The following RELN variants were observed in gnomAD, a reference collection of about 807,000 sequenced individuals.
RELN encodes reelin.
Under a neutral mutation model 427.6 loss-of-function variants are expected in RELN, and 108 were observed. The ratio of observed to expected loss-of-function variants is 0.25; its 90% CI spans 0.22 to 0.30. RELN has a LOEUF of 0.30. RELN is among the 10% of genes least tolerant of loss of function. The pLI is 1.00. For synonymous variants in RELN, 1,524 were observed against 1,513.4 expected, an observed-to-expected ratio of 1.01 and a Z score of -0.16; for missense variants, 3,715 against 4,302.8, an observed-to-expected ratio of 0.86 and a Z score of 3.82.
At chr7:103,513,222 C>T (rs939775740) in intron 50 of RELN, 7 of 152,190 alleles carry the variant, frequency 4.6e-5, no homozygotes, top group African/African-American at 1.7e-4. Context: ...ACTCACCCGT[C>T]TCTCCTGCAG....
At chr7:103,472,932 G>A (rs1562834262) in intron 64 of RELN, 24 bp from the exon 65 acceptor site, 5 of 1,569,732 alleles carry the variant, frequency 3.2e-6, no homozygotes, top group Non-Finnish European at 4.4e-6. Context: ...ACAGGATAGA[G>A]GCAGGGAAGG....
chr7:103,606,698 C>T (rs139952176), intron 22 of RELN, among the ~76,000 whole-genome samples: 5 of 152,246 alleles, frequency 3.3e-5, no homozygotes, highest in African/African-American at 1.2e-4. Context: ...TCTTAGGTTA[C>T]ATAGTTTATG....
At chr7:103,731,577 C>T (rs946912569) in intron 6 of RELN, among the ~76,000 whole-genome samples, 3 of 152,032 alleles carry the variant, frequency 2.0e-5, no homozygotes, top group African/African-American at 7.2e-5. Context: ...TAGTCAATTG[C>T]AGAATTGGGA....
chr7:103,482,895 A>G lies in RELN; in HGVS notation c.10258T>C (p.Leu3420=). Residue 3420 remains leucine, a synonymous_variant, in exon 63 of 65, where the codon TTG becomes CTG. Transcript: ENST00000428762. ...CACAGGACGACCTCCACATGGTCCA[A>G]AGCCCATTGATCATGACCTGTTCCA... ...HNGTGHDQWA[L]DHVEVVLVST... The G allele has an allele frequency of 6.2e-7, 1 of 1,614,190 alleles. No individual in the cohort carries two copies. Among genetic ancestry groups the G allele is most frequent in the Non-Finnish European group, 8.5e-7 (1 of 1,180,026 alleles).
chr7:103,850,785 A>T (rs762488457), intron 2 of RELN, among the ~76,000 whole-genome samples: 3 of 152,228 alleles, frequency 2.0e-5, no homozygotes, highest in Non-Finnish European at 4.4e-5. Flanking sequence ...CCACAATGTG[A>T]TACCACCTTA....
At chr7:103,913,249 A>G (rs1006295913) in intron 2 of RELN, among the ~76,000 whole-genome samples, 2 of 152,200 alleles carry the variant, frequency 1.3e-5, no homozygotes, top group African/African-American at 4.8e-5. Flanking sequence ...TTCAAAGAAG[A>G]GTAGCTGTAA....
At chr7:103,906,974 C>T (rs1414736369) in intron 2 of RELN, among the ~76,000 whole-genome samples, 1 of 152,176 alleles carries the variant, frequency 6.6e-6, no homozygotes, top group South Asian at 2.1e-4. Context: ...TTTACACAGC[C>T]CTAATTCCTT....
At chr7:103,816,012 C>G (rs262367) in intron 3 of RELN, among the ~76,000 whole-genome samples, 76,909 of 152,050 alleles carry the variant, frequency 0.51, 19,722 homozygotes, top group Admixed American at 0.6. Context: ...AAAAAAGGCA[C>G]TTCTGATTGC....
intron 12 of RELN, among the ~76,000 whole-genome samples, chr7:103,658,182 T>C (rs1380145028): frequency 6.6e-6 from 1 of 152,104 alleles, no homozygotes; most frequent in African/African-American, 2.4e-5. Flanking sequence ...AATACGTCAA[T>C]ATATGAATAA....
chr7:103,858,453 G>A (rs1039284655), intron 2 of RELN, among the ~76,000 whole-genome samples: 2 of 152,140 alleles, frequency 1.3e-5, no homozygotes, highest in African/African-American at 4.8e-5. Context: ...TAAAATTTGA[G>A]TAACCAAGCC....
chr7:103,678,106 T>G (rs531326261), intron 11 of RELN, among the ~76,000 whole-genome samples: 1 of 152,338 alleles, frequency 6.6e-6, no homozygotes, highest in South Asian at 2.1e-4. Flanking sequence ...TTCATTACAT[T>G]TGTGGAGTTT....
chr7:103,655,713 A>C (rs1176116670), intron 12 of RELN, among the ~76,000 whole-genome samples: 1 of 152,114 alleles, frequency 6.6e-6, no homozygotes, highest in Non-Finnish European at 1.5e-5. Context: ...ATCAGAGGGC[A>C]AGACTTTCAT....
chr7:103,928,261 A>C (rs1408859849), intron 1 of RELN, among the ~76,000 whole-genome samples: 1 of 152,238 alleles, frequency 6.6e-6, no homozygotes, highest in African/African-American at 2.4e-5. Flanking sequence ...CAATTTGATC[A>C]ATACAATTAT....
intron 2 of RELN, among the ~76,000 whole-genome samples, chr7:103,846,920 A>T (rs1358578125): frequency 6.6e-6 from 1 of 152,224 alleles, no homozygotes. Flanking sequence ...AGCAGGAAAC[A>T]ACAGATGCTG....
intron 50 of RELN, among the ~76,000 whole-genome samples, chr7:103,512,037 C>A (rs1177994930): frequency 6.6e-6 from 1 of 152,070 alleles, no homozygotes; most frequent in Non-Finnish European, 1.5e-5. Context: ...AGAGACATAT[C>A]CTCTTAACAT....
chr7:103,769,358 C>G (rs182156918), intron 4 of RELN, among the ~76,000 whole-genome samples: 55 of 152,242 alleles, frequency 3.6e-4, no homozygotes, highest in African/African-American at 1.3e-3. Context: ...CCTTCCACCA[C>G]GTGAGGATAC....
chr7:103,916,690 C>T (rs1044648711), intron 2 of RELN, among the ~76,000 whole-genome samples: 4 of 152,108 alleles, frequency 2.6e-5, no homozygotes, highest in South Asian at 2.1e-4. Flanking sequence ...AGATTTAACA[C>T]GACACTTTTC....
At chr7:103,847,766 C>T (rs970603947) in intron 2 of RELN, among the ~76,000 whole-genome samples, 2 of 152,150 alleles carry the variant, frequency 1.3e-5, no homozygotes, top group African/African-American at 4.8e-5. Flanking sequence ...GTATTTATAT[C>T]TCTAAAGCCT....
intron 23 of RELN, among the ~76,000 whole-genome samples, chr7:103,604,076 G>A (rs2117273212): frequency 6.6e-6 from 1 of 152,232 alleles, no homozygotes; most frequent in Middle Eastern, 3.4e-3. Flanking sequence ...GGAAACAATG[G>A]CAAGGCTCTT....
Sources: allele counts gnomAD v4.1 joint callset (sites outside exome capture counted in the v4.1 genomes callset), GRCh38; gene constraint gnomAD v4.1.1; transcripts MANE v1.5; gene names NCBI Gene and HGNC (gene_info 2026-07-23, HGNC 2026-07-21).